ANO2: variants seen among roughly 807,000 people sequenced by gnomAD.
ANO2 encodes the protein anoctamin 2.
ANO2 carries 101 observed loss-of-function variants against 124.2 expected under a neutral mutation model. The observed-to-expected ratio is 0.81, with a 90% CI of 0.69 to 0.96. ANO2 has a LOEUF of 0.96. ANO2 is among the 40% of genes least tolerant of loss of function. ANO2 has a pLI of 0.00. For synonymous variants in ANO2, 486 were observed against 482.5 expected, an observed-to-expected ratio of 1.01 and a Z score of -0.09; for missense variants, 1,293 against 1,274.5, an observed-to-expected ratio of 1.01 and a Z score of -0.22.
intron 14 of ANO2, among the ~76,000 whole-genome samples, chr12:5,698,546 C>T (rs977141307): frequency 6.6e-6 from 1 of 152,226 alleles, no homozygotes; most frequent in African/African-American, 2.4e-5. Flanking sequence ...TACCTCTTCT[C>T]CTCCAAAGGA....
intron 10 of ANO2, among the ~76,000 whole-genome samples, chr12:5,771,828 C>G (rs1361455318): frequency 6.6e-6 from 1 of 152,092 alleles, no homozygotes; most frequent in East Asian, 1.9e-4. Context: ...ACCTTGTGAC[C>G]TCCAAAAGGG....
chr12:5,619,690 A>G (rs139872345), intron 16 of ANO2, among the ~76,000 whole-genome samples: 187 of 152,346 alleles, frequency 1.2e-3, no homozygotes, highest in African/African-American at 4.3e-3. Context: ...GTACCACTGG[A>G]AAGAGGAAGC....
At chr12:5,656,024 C>T (rs408094) in intron 14 of ANO2, among the ~76,000 whole-genome samples, 152,224 of 152,336 alleles carry the variant, frequency 1, 76,057 homozygotes, top group Middle Eastern at 1. Context: ...ATCTGCAACC[C>T]TTGTGAGGAA....
intron 10 of ANO2, among the ~76,000 whole-genome samples, chr12:5,785,278 G>A (rs1860957): frequency 0.39 from 58,562 of 151,892 alleles, 13,943 homozygotes; most frequent in East Asian, 0.63. Context: ...AAAAGTTCAA[G>A]AGGACCAGCG....
chr12:5,814,398 C>T (rs1334877544), intron 7 of ANO2, among the ~76,000 whole-genome samples: 1 of 152,208 alleles, frequency 6.6e-6, no homozygotes, highest in African/African-American at 2.4e-5. Flanking sequence ...ATTTGCTTTC[C>T]TTGCATGTAT....
At chr12:5,829,111 A>C (rs1370433091) in intron 6 of ANO2, among the ~76,000 whole-genome samples, 2 of 152,236 alleles carry the variant, frequency 1.3e-5, no homozygotes, top group African/African-American at 4.8e-5. Context: ...TGGTAAATAA[A>C]TAACTACGGG....
At chr12:5,823,486 C>G (rs1446758897) in intron 7 of ANO2, among the ~76,000 whole-genome samples, 5 of 152,228 alleles carry the variant, frequency 3.3e-5, no homozygotes, top group African/African-American at 1.2e-4. Context: ...TTTTAAAGCT[C>G]CAAAATGATC....
intron 15 of ANO2, among the ~76,000 whole-genome samples, chr12:5,639,712 C>T (rs993483695): frequency 2.6e-5 from 4 of 152,062 alleles, no homozygotes; most frequent in African/African-American, 7.2e-5. Context: ...CAGGAGGGGG[C>T]CCTGTAGTGT....
chr12:5,597,005 T>C (rs748436252), intron 20 of ANO2, among the ~76,000 whole-genome samples: 8 of 152,182 alleles, frequency 5.3e-5, no homozygotes, highest in African/African-American at 9.7e-5. Flanking sequence ...TACACAGGGT[T>C]ACCCAGCTAG....
rs531666799 is a variant in ANO2, at chr12:5,685,195, G to C, written c.1546-37394C>G. ...CAAGAAAGCTCCAAGTATTTGCTCA[G>C]CCACTTGGAGAAGGGCTTGGTCCTC... On this transcript the variant is annotated intron_variant, in intron 14 of 24. Coordinates refer to ENST00000682330, the MANE Select transcript of ANO2 (RefSeq NM_001364791.2). 3.3e-5 allele frequency among the ~76,000 whole-genome samples: 5 copies of C among 152,318 alleles called. No homozygotes were observed. The South Asian group carries it at 1.0e-3, about 32-fold the overall frequency.
chr12:5,693,048 A>C (rs1488530795), intron 14 of ANO2, among the ~76,000 whole-genome samples: 1 of 152,086 alleles, frequency 6.6e-6, no homozygotes. Context: ...CGGCGCATCC[A>C]TCATCATCCC....
intron 10 of ANO2, among the ~76,000 whole-genome samples, chr12:5,766,637 G>A (rs1654343781): frequency 6.6e-6 from 1 of 152,158 alleles, no homozygotes; most frequent in Non-Finnish European, 1.5e-5. Flanking sequence ...GATGCAGGAA[G>A]CTGTATATTT....
intron 16 of ANO2, among the ~76,000 whole-genome samples, chr12:5,634,052 T>C (rs563814919): frequency 6.6e-6 from 1 of 152,302 alleles, no homozygotes; most frequent in Admixed American, 6.5e-5. Context: ...CTGTCTGTCA[T>C]TAAATATGCT....
Position 5,701,744 on chromosome 12 carries a change from C to T in ANO2, c.1545+30776G>A, listed in dbSNP as rs537104942. Among the ~76,000 whole-genome samples the T allele has an allele frequency of 1.0e-3, 154 of 152,268 alleles. 1 individual carries two copies. In the South Asian group the frequency reaches 0.03, roughly 30 times the overall value. On this transcript the variant is annotated intron_variant, in intron 14 of 24. Coordinates refer to ENST00000682330, the MANE Select transcript of ANO2 (RefSeq NM_001364791.2). Reference sequence around the variant, plus strand: ...CGGGTGTCATTGAAGTCACATGTACCTAAACTCCAGCTTCTAAGCCTTTAT... The same window carrying T: ...CGGGTGTCATTGAAGTCACATGTACTTAAACTCCAGCTTCTAAGCCTTTAT...
chr12:5,934,554 T>C (rs1942568804), intron 1 of ANO2, among the ~76,000 whole-genome samples: 2 of 152,190 alleles, frequency 1.3e-5, no homozygotes, highest in Admixed American at 6.5e-5. Context: ...ATGAGTTGCC[T>C]AAATGAAACC....
At chr12:5,579,172 T>C (rs1942596737) in intron 20 of ANO2, among the ~76,000 whole-genome samples, 2 of 152,236 alleles carry the variant, frequency 1.3e-5, no homozygotes, top group Non-Finnish European at 2.9e-5. Flanking sequence ...CATTTATAAA[T>C]GTCAGGCCCT....
chr12:5,851,312 T>C (rs571812393), intron 4 of ANO2, among the ~76,000 whole-genome samples: 3 of 152,268 alleles, frequency 2.0e-5, no homozygotes, highest in African/African-American at 7.2e-5. Context: ...ATAAAGGAGA[T>C]ACCAGAGGGA....
chr12:5,703,457 T>A (rs188134245), intron 14 of ANO2, among the ~76,000 whole-genome samples: 7 of 152,346 alleles, frequency 4.6e-5, no homozygotes, highest in Non-Finnish European at 1.0e-4. Context: ...TTTTTCTTTA[T>A]AAATGATCTG....
chr12:5,862,627 G>T lies in ANO2; in HGVS notation c.535-8486C>A, dbSNP rs190645649. Among the ~76,000 whole-genome samples, 241 of 152,240 alleles carry T rather than the reference G, an allele frequency of 1.6e-3. 2 individuals carry two copies. Among genetic ancestry groups the T allele is most frequent in the Non-Finnish European group, 2.2e-3 (152 of 68,010 alleles). On this transcript the variant is annotated intron_variant, in intron 3 of 24. Transcript: ENST00000682330. The surrounding 1 kb of genome is among the most constrained non-coding windows in gnomAD (Gnocchi z 4.0). The stretch of plus-strand genomic sequence containing the variant: ...TCTGATAGGGTCTGACTCTGTCCCT[G>T]CCCAAATCTCATCTTGAATTGTAGC...
Sources: gnomAD v4.1 joint callset for allele counts (sites outside exome capture counted in the v4.1 genomes callset) on GRCh38, gnomAD v4.1.1 for gene constraint, Gnocchi (gnomAD v3.1) non-coding constraint, MANE v1.5 for transcripts, NCBI Gene and HGNC (gene_info 2026-07-23, HGNC 2026-07-21) for gene names.